The following PCDHGB2 variants were observed in gnomAD, a reference collection of about 807,000 sequenced individuals.
PCDHGB2 encodes protocadherin gamma subfamily B, 2, also known as protocadherin gamma-B2.
Under a neutral mutation model 59.3 loss-of-function variants are expected in PCDHGB2, and 55 were observed. That is an observed-to-expected ratio of 0.93 (90% CI 0.75 to 1.16). The LOEUF is 1.16. Ranked by LOEUF, PCDHGB2 falls within the 50% of genes most tolerant of loss-of-function variation. The probability of loss-of-function intolerance (pLI) is 0.00; values close to 1 mark genes in which losing one functional copy is unlikely to be tolerated. For missense variants in PCDHGB2, 1,228 were observed against 1,198.5 expected (o/e 1.02, Z -0.36); for synonymous variants, 516 against 512.0 (o/e 1.01, Z -0.11).
chr5:141,415,966 C>G, intron 1 of PCDHGB2: 1 of 405,604 alleles, frequency 2.5e-6, no homozygotes, highest in Non-Finnish European at 4.0e-6. Flanking sequence ...AAACTCCAGC[C>G]CCTTAAGCAA....
rs578188210 is a variant in PCDHGB2 at position 141,360,311 on chromosome 5, G to A, written c.176G>A (p.Arg59Gln). 3.1e-6 allele frequency: 5 copies of A among 1,613,936 alleles called. No homozygotes were observed. The East Asian group carries it at 1.1e-4, about 36-fold the overall frequency. ...GCCAAGGATCTGGGGCTCAGCGTCC[G>A]GGACTTGCCAGCCCGGAAGCTGCGG... is the stretch of plus-strand genomic sequence containing the variant. Reference protein sequence around the residue: ...NLAKDLGLSVRDLPARKLRVS... With the variant: ...NLAKDLGLSVQDLPARKLRVS... The change falls in exon 1 of 4, where the codon CGG (arginine) becomes CAG (glutamine). Residue 59 changes from arginine to glutamine, a missense_variant. Physicochemically the swap from Arg to Gln is conservative, Grantham distance 43. Around this residue, in one of 3 missense-constraint regions of PCDHGB2, gnomAD observed 781 missense variants for 721.6 expected, o/e 1.08. Transcript: ENST00000522605.
chr5:141,371,305 T>C lies in PCDHGB2; in HGVS notation c.2421+8749T>C, dbSNP rs772021444. 1.8e-5 allele frequency: 29 copies of C among 1,613,822 alleles called. No individual in the cohort carries two copies. Among genetic ancestry groups the C allele is most frequent in the African/African-American group, 2.7e-5 (2 of 74,920 alleles). ...AGTAAAACGGGGGAACTCACCACTATTGGAGAACTGGACTTTGAAGAGAGA... is the reference window on the plus strand; with the variant it reads ...AGTAAAACGGGGGAACTCACCACTACTGGAGAACTGGACTTTGAAGAGAGA... On this transcript the variant is annotated intron_variant, in intron 1 of 3. Transcript: ENST00000522605.
chr5:141,480,914 G>A (rs959577133), intron 1 of PCDHGB2, among the ~76,000 whole-genome samples: 18 of 151,978 alleles, frequency 1.2e-4, no homozygotes, highest in South Asian at 4.2e-4. Flanking sequence ...GCATGGTGGC[G>A]CATACCTGTA....
rs766182165 is a variant in PCDHGB2 at position 141,478,048 on chromosome 5, C to T, written c.2422-16759C>T. ...ACACAGATTCACCCAGGCAGACTCT[C>T]ACGGTCTTGATCAAAGACAATGGGG... On this transcript the variant is annotated intron_variant, in intron 1 of 3. Transcript: ENST00000522605. 5.6e-6 allele frequency: 9 copies of T among 1,614,040 alleles called. No homozygotes were observed. In the Admixed American group the frequency reaches 1.0e-4, roughly 18 times the overall value.
chr5:141,511,031 A>G lies in PCDHGB2; in HGVS notation c.2654A>G (p.Gln885Arg). 6.2e-7 allele frequency: 1 copy of G among 1,614,244 alleles called. No individual in the cohort carries two copies. The highest frequency in any genetic ancestry group is 8.5e-7 in the Non-Finnish European group (1 of 1,180,034). ...SARYGPQFTL[Q>R]HVPDYRQNVY... Reference sequence around the variant, plus strand: ...CGCTACGGACCCCAGTTCACCCTGCAGCACGTGCCCGACTACCGCCAGAAT... The same window carrying G: ...CGCTACGGACCCCAGTTCACCCTGCGGCACGTGCCCGACTACCGCCAGAAT... The change falls in exon 4 of 4, where the codon CAG (glutamine) becomes CGG (arginine). Residue 885 changes from glutamine to arginine, a missense_variant. Gln to Arg is a conservative substitution (Grantham distance 43). Coordinates refer to ENST00000522605, the MANE Select transcript of PCDHGB2 (RefSeq NM_018923.3).
chr5:141,463,975 C>T lies in PCDHGB2; in HGVS notation c.2422-30832C>T, dbSNP rs145316182. Among the ~76,000 whole-genome samples the T allele has an allele frequency of 1.3e-3, 204 of 151,992 alleles. 1 individual carries two copies. Among genetic ancestry groups the T allele is most frequent in the African/African-American group, 4.8e-3 (198 of 41,474 alleles). The stretch of plus-strand genomic sequence containing the variant: ...TTTTTAAAATAGCTTCATAAAACTC[C>T]ATTGTAAAAACCAGGTGCAGTGGCT... On this transcript the variant is annotated intron_variant, in intron 1 of 3. Transcript: ENST00000522605.
chr5:141,361,594 G>A lies in PCDHGB2; in HGVS notation c.1459G>A (p.Val487Ile). ...CCCTGACTTGGGCCCCAGTGGCCAAGTTTCCTACTCCATCGTAGCGAGCGA... is the reference window on the plus strand; with the variant it reads ...CCCTGACTTGGGCCCCAGTGGCCAAATTTCCTACTCCATCGTAGCGAGCGA... ...SDPDLGPSGQ[V>I]SYSIVASDLK... Residue 487 changes from valine (V) to isoleucine (I), a missense_variant, in exon 1 of 4, where the codon GTT (valine) becomes ATT (isoleucine). Val to Ile is a conservative substitution (Grantham distance 29). Around this residue, in one of 3 missense-constraint regions of PCDHGB2, gnomAD observed 781 missense variants for 721.6 expected, o/e 1.08. Coordinates refer to ENST00000522605, the MANE Select transcript of PCDHGB2 (RefSeq NM_018923.3). 1 of 1,614,056 alleles carries A rather than the reference G, an allele frequency of 6.2e-7. No homozygotes were observed. Among genetic ancestry groups the A allele is most frequent in the East Asian group, 2.2e-5 (1 of 44,878 alleles).
intron 1 of PCDHGB2, chr5:141,408,627 T>A: frequency 6.2e-7 from 1 of 1,613,916 alleles, no homozygotes; most frequent in Admixed American, 1.7e-5. Flanking sequence ...CATTTAGAAA[T>A]TTTCGAATCT....
chr5:141,404,709 A>G (rs746275941), intron 1 of PCDHGB2: 33 of 1,613,624 alleles, frequency 2.0e-5, no homozygotes, highest in Non-Finnish European at 2.7e-5. Flanking sequence ...GAGCCTGGCT[A>G]CCTGGTGACC....
At chr5:141,497,713 T>C (rs1357797720) in intron 2 of PCDHGB2, among the ~76,000 whole-genome samples, 3 of 152,084 alleles carry the variant, frequency 2.0e-5, no homozygotes, top group Non-Finnish European at 1.5e-5. Context: ...CTCATTTTTG[T>C]ATTTTTAGTA....
intron 1 of PCDHGB2, among the ~76,000 whole-genome samples, chr5:141,381,836 T>TCTTCTTC (rs1247595630): frequency 6.4e-5 from 9 of 139,950 alleles, no homozygotes; most frequent in African/African-American, 2.6e-4. Flanking sequence ...CTTTTTTTTT[T>TCTTCTTC]TTTTTTTTTT....
At chr5:141,363,465 C>T (rs1176309581) in intron 1 of PCDHGB2, among the ~76,000 whole-genome samples, 1 of 152,220 alleles carries the variant, frequency 6.6e-6, no homozygotes, top group Non-Finnish European at 1.5e-5. Flanking sequence ...CAAGTATCTG[C>T]TCATGCTTTC....
At position 141,360,189 on chromosome 5, in the gene PCDHGB2, G is replaced by C; in HGVS notation, c.54G>C (p.Leu18Phe). Residue 18 changes from leucine to phenylalanine, a missense_variant, in exon 1 of 4, where the codon TTG (leucine) becomes TTC (phenylalanine). By Grantham distance (22) the Leu-to-Phe change is conservative. This residue lies in a region of PCDHGB2 where 781 missense variants were observed against 721.6 expected (regional missense o/e 1.08). Transcript: ENST00000522605. ...CGLVRWLQVL[L>F]PFLLSLFPGA... ...TGGTGCGGTGGCTGCAGGTACTGTT[G>C]CCCTTCCTGTTGTCTTTGTTCCCCG... 1 of 1,611,554 alleles carries C rather than the reference G, an allele frequency of 6.2e-7. No homozygotes were observed. Among genetic ancestry groups the C allele is most frequent in the Non-Finnish European group, 8.5e-7 (1 of 1,178,768 alleles).
intron 2 of PCDHGB2, among the ~76,000 whole-genome samples, chr5:141,497,767 C>T (rs1419825322): frequency 1.3e-5 from 2 of 152,066 alleles, no homozygotes; most frequent in East Asian, 3.9e-4. Flanking sequence ...TCAAACTCCC[C>T]GACCTCAACT....
In PCDHGB2 at chr5:141,361,678, T is replaced by A. The variant is rs192424877; in HGVS notation, c.1543T>A (p.Phe515Ile). ...VSVSAQSGVV[F>I]AQRAFDHEQL... Reference sequence around the variant, plus strand: ...CGTGAGCGCGCAGAGCGGGGTGGTGTTCGCGCAGCGCGCCTTCGATCATGA... The same window carrying A: ...CGTGAGCGCGCAGAGCGGGGTGGTGATCGCGCAGCGCGCCTTCGATCATGA... Residue 515 changes from phenylalanine (F) to isoleucine (I), a missense_variant, in exon 1 of 4, where the codon TTC (phenylalanine) becomes ATC (isoleucine). Phe to Ile is a conservative substitution (Grantham distance 21). This residue lies in a region of PCDHGB2 where 781 missense variants were observed against 721.6 expected (regional missense o/e 1.08). Coordinates refer to ENST00000522605, the MANE Select transcript of PCDHGB2 (RefSeq NM_018923.3). The A allele has an allele frequency of 1.1e-5, 17 of 1,613,474 alleles. No homozygotes were observed. The highest frequency in any genetic ancestry group is 1.4e-5 in the Non-Finnish European group (17 of 1,179,902).
In PCDHGB2 at chr5:141,402,880, A is replaced by T; in HGVS notation, c.2421+40324A>T. The T allele has an allele frequency of 1.4e-6, 2 of 1,474,944 alleles. 1 individual carries two copies. The highest frequency in any genetic ancestry group is 2.9e-5 in the South Asian group (2 of 68,686). 91.4% of individuals were successfully genotyped at this position (1,474,944 alleles called of 1,614,324 possible). On this transcript the variant is annotated intron_variant, in intron 1 of 3. Coordinates refer to ENST00000522605, the MANE Select transcript of PCDHGB2 (RefSeq NM_018923.3). ...TAAGGAAAAGATCACCATACTTTGCAGGGTGGAAGAAAGAACCTGATGAAG... is the reference window on the plus strand; with the variant it reads ...TAAGGAAAAGATCACCATACTTTGCTGGGTGGAAGAAAGAACCTGATGAAG...
At position 141,490,381 on chromosome 5, in the gene PCDHGB2, A is replaced by T. The variant is rs770046796; in HGVS notation, c.2422-4426A>T. 1 of 1,614,240 alleles carries T rather than the reference A, an allele frequency of 6.2e-7. No homozygotes were observed. The highest frequency in any genetic ancestry group is 1.1e-5 in the South Asian group (1 of 91,090). On this transcript the variant is annotated intron_variant, in intron 1 of 3. Coordinates refer to ENST00000522605, the MANE Select transcript of PCDHGB2 (RefSeq NM_018923.3). This position sits in a 1 kb window ranked among gnomAD's most constrained non-coding sequence, Gnocchi z 5.4. ...TAATGTGCGAGACCGGGACTCAGGT[A>T]GAAATGGTGAAGTGAGCCTTGATAT...
intron 1 of PCDHGB2, chr5:141,371,115 G>A (rs757942462): frequency 1.2e-6 from 2 of 1,613,784 alleles, no homozygotes; most frequent in African/African-American, 1.3e-5. Context: ...TAACCCCCCA[G>A]TATTTACTCA....
At chr5:141,410,445 T>A in intron 1 of PCDHGB2, 1 of 1,614,060 alleles carries the variant, frequency 6.2e-7, no homozygotes. Flanking sequence ...GAGGGGACTT[T>A]GCCTTATTCT....
Sources: allele counts gnomAD v4.1 joint callset (sites outside exome capture counted in the v4.1 genomes callset), GRCh38; gene constraint gnomAD v4.1.1; regional missense constraint gnomAD v4.1.1; non-coding constraint Gnocchi (gnomAD v3.1); transcripts MANE v1.5; gene names NCBI Gene and HGNC (gene_info 2026-07-23, HGNC 2026-07-21).